Variants in METTL15 observed in about 807,000 individuals in gnomAD.
The protein encoded by METTL15 is methyltransferase 15, mitochondrial 12S rRNA N4-cytidine.
A neutral mutation model predicts 38.3 loss-of-function variants in METTL15; 34 were observed. The observed-to-expected ratio is 0.89, with a 90% CI of 0.68 to 1.18. The LOEUF (loss-of-function observed/expected upper bound fraction) is 1.18, where lower values mean the gene tolerates loss of function less well. Ranked by LOEUF, METTL15 falls within the 50% of genes most tolerant of loss-of-function variation. METTL15 has a pLI of 0.00. For synonymous variants in METTL15, 162 were observed against 170.9 expected (o/e 0.95, Z 0.41); for missense variants, 438 against 498.4 (o/e 0.88, Z 1.15).
chr11:28,418,491 C>T (rs1485084845), intron 5 of METTL15, among the ~76,000 whole-genome samples: 1 of 152,090 alleles, frequency 6.6e-6, no homozygotes, highest in African/African-American at 2.4e-5. Context: ...TTAGATGGGG[C>T]TAATGAAAAA....
chr11:28,393,470 G>C (rs964473296), intron 5 of METTL15, among the ~76,000 whole-genome samples: 1 of 152,048 alleles, frequency 6.6e-6, no homozygotes, highest in Non-Finnish European at 1.5e-5. Flanking sequence ...GGCATTTCTG[G>C]CTTGGTGTTG....
chr11:28,376,178 T>G (rs1850309538), intron 5 of METTL15, among the ~76,000 whole-genome samples: 2 of 152,036 alleles, frequency 1.3e-5, no homozygotes, highest in South Asian at 2.1e-4. Context: ...AGATGTCTAT[T>G]AGGTCCGCTT....
intron 3 of METTL15, among the ~76,000 whole-genome samples, chr11:28,174,166 C>T (rs1267673775): frequency 2.6e-5 from 4 of 152,172 alleles, no homozygotes; most frequent in Non-Finnish European, 5.9e-5. Context: ...TGGAATTTTT[C>T]TACACAGGCA....
At chr11:28,202,249 C>A (rs1852144012) in intron 3 of METTL15, among the ~76,000 whole-genome samples, 2 of 152,000 alleles carry the variant, frequency 1.3e-5, no homozygotes, top group Admixed American at 1.3e-4. Context: ...GTAAAATCAA[C>A]AGGATTTGGT....
At chr11:28,378,494 A>C (rs1481398056) in intron 5 of METTL15, among the ~76,000 whole-genome samples, 1 of 152,216 alleles carries the variant, frequency 6.6e-6, no homozygotes, top group Non-Finnish European at 1.5e-5. Flanking sequence ...AAGTGAGGCA[A>C]TGCCTCGCCC....
chr11:28,408,206 G>C (rs9971603), intron 5 of METTL15, among the ~76,000 whole-genome samples: 1 of 152,064 alleles, frequency 6.6e-6, no homozygotes, highest in Non-Finnish European at 1.5e-5. Flanking sequence ...CAATGCATGC[G>C]GGGCTTAATA....
chr11:28,258,956 C>T (rs1316397389), intron 4 of METTL15, among the ~76,000 whole-genome samples: 1 of 152,122 alleles, frequency 6.6e-6, no homozygotes, highest in Non-Finnish European at 1.5e-5. Flanking sequence ...AGTCTGGCCC[C>T]ATAGCCAGTA....
chr11:28,467,219 C>A (rs1036963606), intron 6 of METTL15, among the ~76,000 whole-genome samples: 8 of 152,298 alleles, frequency 5.3e-5, no homozygotes, highest in Middle Eastern at 3.4e-3. Flanking sequence ...GTCATGGTGG[C>A]TTCTTATAAT....
At chr11:28,264,834 C>T (rs1855347756) in intron 4 of METTL15, among the ~76,000 whole-genome samples, 1 of 152,084 alleles carries the variant, frequency 6.6e-6, no homozygotes, top group Non-Finnish European at 1.5e-5. Flanking sequence ...TGAAGAGTTA[C>T]TTTGGCCATA....
At chr11:28,515,817 C>A (rs1851715287) in intron 6 of METTL15, among the ~76,000 whole-genome samples, 2 of 152,168 alleles carry the variant, frequency 1.3e-5, no homozygotes, top group South Asian at 4.1e-4. Context: ...ACATATTTCC[C>A]CTATTTCCAT....
At chr11:28,139,083 A>G (rs1237961294) in intron 3 of METTL15, among the ~76,000 whole-genome samples, 1 of 152,162 alleles carries the variant, frequency 6.6e-6, no homozygotes, top group Non-Finnish European at 1.5e-5. Flanking sequence ...TTACTCTTTT[A>G]CCAGCATGTC....
intron 4 of METTL15, among the ~76,000 whole-genome samples, chr11:28,358,688 A>G (rs141934954): frequency 5.7e-4 from 87 of 152,294 alleles, no homozygotes; most frequent in African/African-American, 1.9e-3. Flanking sequence ...CAATGTATGA[A>G]TGTCTTAAGG....
At chr11:28,267,559 C>G (rs1028309320) in intron 4 of METTL15, among the ~76,000 whole-genome samples, 1 of 152,218 alleles carries the variant, frequency 6.6e-6, no homozygotes, top group Non-Finnish European at 1.5e-5. Flanking sequence ...CTATCTCCCA[C>G]TCCCATTAGA....
At chr11:28,418,109 GCTGCCAGCTGTCAGTCTTTGATA>G (rs1255888218) in intron 5 of METTL15, among the ~76,000 whole-genome samples, 7 of 152,012 alleles carry the variant, frequency 4.6e-5, no homozygotes, top group Non-Finnish European at 8.8e-5. Context: ...CAACTCTCAG[GCTGCCAGCTGTCAGTCTTTGATA>G]CTGCCAGCTG....
chr11:28,373,781 G>A (rs1283870280), intron 5 of METTL15, among the ~76,000 whole-genome samples: 5 of 152,164 alleles, frequency 3.3e-5, no homozygotes, highest in Middle Eastern at 3.4e-3. Context: ...TTTTCTTCTA[G>A]GGTTTTTCTG....
At chr11:28,209,565 T>C (rs1852533361) in intron 3 of METTL15, among the ~76,000 whole-genome samples, 1 of 152,088 alleles carries the variant, frequency 6.6e-6, no homozygotes, top group South Asian at 2.1e-4. Flanking sequence ...AACATTTGTG[T>C]TAAAAAGCAT....
In METTL15 at chr11:28,148,614, A is replaced by G. The variant is rs112201747; in HGVS notation, c.270+35010A>G. On this transcript the variant is annotated intron_variant, in intron 3 of 6. Coordinates refer to ENST00000407364, the MANE Select transcript of METTL15 (RefSeq NM_001113528.2). ...CTAGTCCTACTTTTAGCACTTTACA[A>G]GAGAACTTGTCTAAGTCTTTGGCTT... is the stretch of plus-strand genomic sequence containing the variant. Among the ~76,000 whole-genome samples the G allele has an allele frequency of 6.6e-5, 10 of 152,066 alleles. 1 individual carries two copies. Among genetic ancestry groups the G allele is most frequent in the African/African-American group, 2.4e-4 (10 of 41,540 alleles).
In METTL15 at chr11:28,167,981, A is replaced by AT. The variant is rs528876313; in HGVS notation, c.271-43073dup. 2.0e-3 allele frequency among the ~76,000 whole-genome samples: 304 copies of AT among 151,850 alleles called. 1 individual carries two copies. Among genetic ancestry groups the AT allele is most frequent in the African/African-American group, 7.0e-3 (289 of 41,476 alleles). ...CTAAAAGACAGGAATGCACCAGTCCATTTTTTTTAGAATTAAAATTAGAAG... is the reference window on the plus strand; with the variant it reads ...CTAAAAGACAGGAATGCACCAGTCCATTTTTTTTTAGAATTAAAATTAGAAG... On this transcript the variant is annotated intron_variant, in intron 3 of 6. Coordinates refer to ENST00000407364, the MANE Select transcript of METTL15 (RefSeq NM_001113528.2).
At chr11:28,508,843 G>C (rs555877221) in intron 6 of METTL15, among the ~76,000 whole-genome samples, 1 of 152,216 alleles carries the variant, frequency 6.6e-6, no homozygotes, top group African/African-American at 2.4e-5. Flanking sequence ...AACCAAAAAG[G>C]CAAGGGACAT....
Sources: gnomAD v4.1 joint callset for allele counts (sites outside exome capture counted in the v4.1 genomes callset) on GRCh38, gnomAD v4.1.1 for gene constraint, MANE v1.5 for transcripts, NCBI Gene and HGNC (gene_info 2026-07-23, HGNC 2026-07-21) for gene names.